Variants in PARD3 observed in about 807,000 individuals in gnomAD.
PARD3 encodes the protein partitioning defective 3 homolog.
In PARD3, 75 loss-of-function variants were observed where a neutral mutation model predicts 155.4. That is an observed-to-expected ratio of 0.48 (90% CI 0.40 to 0.58). PARD3 has a LOEUF of 0.58. Among genes scored for constraint, PARD3 ranks in the 20% least tolerant of loss-of-function variants. PARD3 has a pLI of 0.00. For missense variants in PARD3, 1,642 were observed against 1,721.7 expected, an observed-to-expected ratio of 0.95 and a Z score of 0.82; for synonymous variants, 576 against 610.5, an observed-to-expected ratio of 0.94 and a Z score of 0.83.
intron 22 of PARD3, among the ~76,000 whole-genome samples, chr10:34,171,753 C>G (rs906753966): frequency 1.3e-5 from 2 of 151,792 alleles, no homozygotes; most frequent in Non-Finnish European, 2.9e-5. Context: ...AGTTCAAGAC[C>G]AGCCTAGCCA....
intron 2 of PARD3, among the ~76,000 whole-genome samples, chr10:34,564,432 T>A (rs945922002): frequency 6.6e-6 from 1 of 152,172 alleles, no homozygotes; most frequent in Non-Finnish European, 1.5e-5. Context: ...TAAATTTCAT[T>A]CCATTTCAGG....
intron 2 of PARD3, among the ~76,000 whole-genome samples, chr10:34,579,522 G>A (rs1380878414): frequency 1.3e-5 from 2 of 150,552 alleles, no homozygotes; most frequent in African/African-American, 2.5e-5. Context: ...GTCAGACAAC[G>A]TGAACTAAAT....
intron 1 of PARD3, among the ~76,000 whole-genome samples, chr10:34,745,839 G>A (rs919670046): frequency 1.3e-5 from 2 of 152,154 alleles, no homozygotes; most frequent in Non-Finnish European, 2.9e-5. Flanking sequence ...GGTGGCTCAC[G>A]CCTGTAATCC....
intron 22 of PARD3, among the ~76,000 whole-genome samples, chr10:34,189,825 G>A (rs1950629716): frequency 6.8e-6 from 1 of 148,008 alleles, no homozygotes; most frequent in African/African-American, 2.5e-5. Flanking sequence ...TGAGCAAAAT[G>A]AGCCTATCCC....
At chr10:34,203,437 G>A (rs1232295277) in intron 22 of PARD3, among the ~76,000 whole-genome samples, 2 of 152,104 alleles carry the variant, frequency 1.3e-5, no homozygotes, top group African/African-American at 2.4e-5. Context: ...TGGTATCTAC[G>A]GGGAATCGGT....
At chr10:34,784,177 C>T (rs1840647734) in intron 1 of PARD3, among the ~76,000 whole-genome samples, 1 of 152,088 alleles carries the variant, frequency 6.6e-6, no homozygotes, top group East Asian at 1.9e-4. Context: ...CGCCACTGTA[C>T]TCCATCCTGG....
intron 22 of PARD3, among the ~76,000 whole-genome samples, chr10:34,171,607 G>A (rs2009031): frequency 0.046 from 6,955 of 152,096 alleles, 251 homozygotes; most frequent in Non-Finnish European, 0.066. Context: ...TCAGATGTCA[G>A]AAAAGAAGTT....
rs566534505 is a variant in PARD3, at chr10:34,229,355, G to A, written c.3419+40302C>T. ...CACCTTGGCCTCCTGAGTAAGCTGG[G>A]ACTACAGGTGTGTACCACTATGCGC... On this transcript the variant is annotated intron_variant, in intron 22 of 24. Coordinates refer to ENST00000374788, the MANE Select transcript of PARD3 (RefSeq NM_001184785.2). Among the ~76,000 whole-genome samples, 14 of 152,120 alleles carry A rather than the reference G, an allele frequency of 9.2e-5. No homozygotes were observed. In the South Asian group the frequency reaches 2.3e-3, roughly 25 times the overall value.
At chr10:34,212,637 G>C (rs1951809129) in intron 22 of PARD3, among the ~76,000 whole-genome samples, 2 of 151,874 alleles carry the variant, frequency 1.3e-5, no homozygotes, top group Admixed American at 6.6e-5. Context: ...GTGGAGTAGG[G>C]AACAATGGGA....
intron 22 of PARD3, among the ~76,000 whole-genome samples, chr10:34,137,903 G>A (rs921675836): frequency 6.6e-6 from 1 of 152,164 alleles, no homozygotes; most frequent in Non-Finnish European, 1.5e-5. Context: ...AGCAATAAAC[G>A]TTCTAGACCT....
chr10:34,638,231 T>C (rs1056708027), intron 2 of PARD3, among the ~76,000 whole-genome samples: 1 of 152,188 alleles, frequency 6.6e-6, no homozygotes, highest in Non-Finnish European at 1.5e-5. Context: ...CAGTAAGTCA[T>C]GAAGCCACCA....
intron 22 of PARD3, among the ~76,000 whole-genome samples, chr10:34,181,315 T>C (rs1264134025): frequency 6.6e-6 from 1 of 152,168 alleles, no homozygotes; most frequent in Admixed American, 6.5e-5. Flanking sequence ...CTTAACTCAG[T>C]GGGAAGCTAT....
chr10:34,662,800 A>C (rs927278564), intron 2 of PARD3, among the ~76,000 whole-genome samples: 2 of 151,712 alleles, frequency 1.3e-5, no homozygotes, highest in African/African-American at 4.9e-5. Context: ...TGAACCTGGG[A>C]GACCAATGTT....
chr10:34,451,904 G>A (rs1181618888), intron 4 of PARD3, among the ~76,000 whole-genome samples: 1 of 150,104 alleles, frequency 6.7e-6, no homozygotes, highest in African/African-American at 2.4e-5. Flanking sequence ...TTAAGCTTCA[G>A]AAAAAAGGAA....
chr10:34,440,111 C>G (rs2132646095), intron 5 of PARD3, among the ~76,000 whole-genome samples: 1 of 151,994 alleles, frequency 6.6e-6, no homozygotes. Context: ...CTGGGAAAGT[C>G]CTGGATAGAA....
chr10:34,531,513 C>G (rs1046679645), intron 2 of PARD3, among the ~76,000 whole-genome samples: 3 of 152,186 alleles, frequency 2.0e-5, no homozygotes, highest in Middle Eastern at 6.3e-3. Context: ...TTTCCTTTAA[C>G]CATCCTGCAT....
chr10:34,578,960 G>A (rs757774304), intron 2 of PARD3, among the ~76,000 whole-genome samples: 6 of 152,314 alleles, frequency 3.9e-5, no homozygotes, highest in Non-Finnish European at 8.8e-5. Context: ...ACCTTTTCAA[G>A]ATATCTGCTT....
intron 22 of PARD3, among the ~76,000 whole-genome samples, chr10:34,142,367 C>T (rs1262166044): frequency 2.0e-5 from 3 of 151,558 alleles, no homozygotes; most frequent in Admixed American, 6.6e-5. Context: ...CATCGCAAGA[C>T]CCCATCTCTA....
At chr10:34,582,864 G>A (rs976489055) in intron 2 of PARD3, among the ~76,000 whole-genome samples, 2 of 152,192 alleles carry the variant, frequency 1.3e-5, no homozygotes, top group Non-Finnish European at 2.9e-5. Context: ...AGGGAAACCA[G>A]GTGCCCTTCT....
Sources: allele counts gnomAD v4.1 joint callset (sites outside exome capture counted in the v4.1 genomes callset), GRCh38; gene constraint gnomAD v4.1.1; transcripts MANE v1.5; gene names NCBI Gene and HGNC (gene_info 2026-07-23, HGNC 2026-07-21).